The following NSMAF variants were observed in gnomAD, a reference collection of about 807,000 sequenced individuals.
NSMAF encodes the protein protein FAN.
Under a neutral mutation model 134.9 loss-of-function variants are expected in NSMAF, and 90 were observed. The ratio of observed to expected loss-of-function variants is 0.67; its 90% CI spans 0.56 to 0.79. The LOEUF is 0.79. NSMAF is among the 30% of genes least tolerant of loss of function. The probability of loss-of-function intolerance (pLI) is 0.00; values close to 1 mark genes in which losing one functional copy is unlikely to be tolerated. For synonymous variants in NSMAF, 358 were observed against 389.6 expected (o/e 0.92, Z 0.96); for missense variants, 1,010 against 1,119.0 (o/e 0.90, Z 1.39).
At chr8:58,636,144 T>A (rs1257212197) in intron 2 of NSMAF, among the ~76,000 whole-genome samples, 1 of 152,258 alleles carries the variant, frequency 6.6e-6, no homozygotes, top group African/African-American at 2.4e-5. Context: ...TAAAAACTTT[T>A]ATGAAATTTC....
chr8:58,591,417 A>AAAT (rs768664913), intron 23 of NSMAF, among the ~76,000 whole-genome samples: 2 of 152,064 alleles, frequency 1.3e-5, no homozygotes, highest in African/African-American at 2.4e-5. Context: ...CTGACTTTCT[A>AAAT]AATAATAATA....
At position 58,659,638 on chromosome 8, in the gene NSMAF, T is replaced by C; in HGVS notation, c.-7A>G. On this transcript the variant is annotated 5_prime_UTR_variant, in exon 1 of 31. Coordinates refer to ENST00000038176, the MANE Select transcript of NSMAF (RefSeq NM_003580.4). ...TCTTCCGGATAAACGCCATGGAGGG[T>C]AGGCGCGGGCGGGCGCAGAGCGCAC... 9.7e-6 allele frequency: 14 copies of C among 1,438,402 alleles called. No homozygotes were observed. The highest frequency in any genetic ancestry group is 1.3e-5 in the Non-Finnish European group (14 of 1,096,868). The allele number at this position is 1,438,402 out of a possible 1,614,324, so 89.1% of individuals were successfully genotyped here.
intron 9 of NSMAF, among the ~76,000 whole-genome samples, chr8:58,623,003 G>A (rs540804985): frequency 7.9e-5 from 12 of 152,282 alleles, no homozygotes; most frequent in South Asian, 4.1e-4. Flanking sequence ...AGCAGAAACC[G>A]AAGCATCTAA....
At position 58,623,771 on chromosome 8, in the gene NSMAF, C is replaced by A. The variant is rs1197726002; in HGVS notation, c.394G>T (p.Glu132Ter). 1 of 1,613,800 alleles carries A rather than the reference C, an allele frequency of 6.2e-7. No homozygotes were observed. Among genetic ancestry groups the A allele is most frequent in the African/African-American group, 1.3e-5 (1 of 75,024 alleles). Residue 132 changes from glutamate (E) to a stop codon, truncating the protein, a stop_gained, in exon 7 of 31, where the codon GAA becomes TAA. Transcript: ENST00000038176. LOFTEE classifies it high-confidence loss of function. ...APYKIERGKM[E>*]YVFELDVPGK... Reference sequence around the variant, plus strand: ...GGAACATCCAATTCAAAAACATATTCCATTTTGCCCTAACAAAAAGGGGAA... The same window carrying A: ...GGAACATCCAATTCAAAAACATATTACATTTTGCCCTAACAAAAAGGGGAA...
At chr8:58,607,647 A>G in intron 11 of NSMAF, 122 bp downstream of exon 11, 1 of 724,374 alleles carries the variant, frequency 1.4e-6, no homozygotes, top group Admixed American at 2.2e-5. Flanking sequence ...ATCAGAGTCT[A>G]TTTTCTTACA....
intron 1 of NSMAF, among the ~76,000 whole-genome samples, chr8:58,658,284 T>C (rs1436796815): frequency 6.6e-6 from 1 of 152,228 alleles, no homozygotes; most frequent in Non-Finnish European, 1.5e-5. Flanking sequence ...GTGAGTTACA[T>C]AGTTAGGGCT....
At chr8:58,619,000 C>T (rs188268438) in intron 9 of NSMAF, among the ~76,000 whole-genome samples, 7 of 152,188 alleles carry the variant, frequency 4.6e-5, no homozygotes, top group East Asian at 3.9e-4. Flanking sequence ...AAATGAATGT[C>T]ATGCTGAAGC....
chr8:58,639,240 C>T (rs750417956), intron 2 of NSMAF, among the ~76,000 whole-genome samples: 9 of 151,176 alleles, frequency 6.0e-5, no homozygotes, highest in South Asian at 2.1e-4. Flanking sequence ...GCAGAGATCA[C>T]GCCACTGCAC....
chr8:58,597,772 A>T, intron 20 of NSMAF, 88 bp downstream of exon 20: 2 of 1,005,268 alleles, frequency 2.0e-6, no homozygotes, highest in Non-Finnish European at 3.1e-6. Flanking sequence ...AAATTTCCAT[A>T]CCTCAACCTT....
chr8:58,610,298 A>G (rs1806499853), intron 9 of NSMAF, among the ~76,000 whole-genome samples: 1 of 152,236 alleles, frequency 6.6e-6, no homozygotes, highest in South Asian at 2.1e-4. Context: ...TTTAATCAAC[A>G]AAGTCCCTTC....
intron 13 of NSMAF, among the ~76,000 whole-genome samples, chr8:58,602,536 G>A (rs1263932166): frequency 6.6e-6 from 1 of 152,018 alleles, no homozygotes. Context: ...GCCTATTTGA[G>A]AACTAGTGAG....
At chr8:58,657,294 C>T (rs541710986) in intron 1 of NSMAF, among the ~76,000 whole-genome samples, 1 of 152,130 alleles carries the variant, frequency 6.6e-6, no homozygotes, top group Non-Finnish European at 1.5e-5. Context: ...TATTTGGTAG[C>T]TCTGGAAATC....
At chr8:58,598,858 C>CA (rs1048813322) in intron 19 of NSMAF, among the ~76,000 whole-genome samples, 36 of 150,354 alleles carry the variant, frequency 2.4e-4, no homozygotes, top group Admixed American at 1.1e-3. Context: ...CCGTCACGAC[C>CA]AAAAAAAATA....
In NSMAF at chr8:58,584,119, T is replaced by C. The variant is rs775340597; in HGVS notation, c.2741A>G (p.Lys914Arg). Residue 914 changes from lysine (K) to arginine (R), a missense_variant, in exon 31 of 31, where the codon AAA becomes AGA. Physicochemically the swap from Lys to Arg is conservative, Grantham distance 26. Transcript: ENST00000038176. ...GGEDRQIIFW[K>R]LQY ...AGGAAAAGGCACTTAATACTGCAAT[T>C]TCCAGAATATAATTTGTCTGTCTTC... 6.2e-7 allele frequency: 1 copy of C among 1,612,482 alleles called. No homozygotes were observed. The highest frequency in any genetic ancestry group is 1.3e-5 in the African/African-American group (1 of 75,002).
intron 11 of NSMAF, among the ~76,000 whole-genome samples, 186 bp downstream of exon 11, chr8:58,607,583 G>T (rs1806436076): frequency 6.6e-6 from 1 of 152,186 alleles, no homozygotes; most frequent in African/African-American, 2.4e-5. Context: ...TTCTCTACAT[G>T]AAAGAGTTAT....
chr8:58,597,413 T>C lies in NSMAF; in HGVS notation c.1766A>G (p.Tyr589Cys), dbSNP rs1156769876. The change falls in exon 21 of 31, where the codon TAT (tyrosine) becomes TGT (cysteine). Residue 589 changes from tyrosine to cysteine, a missense_variant. By Grantham distance (194) the Tyr-to-Cys change is radical. Transcript: ENST00000038176. ...KFKSLSQTSS[Y>C]NASMADSPGE... ...TGGGGAATCTGCCATAGAAGCATTATAACTGGAGGTCTGGGACAAACTTTT... is the reference window on the plus strand; with the variant it reads ...TGGGGAATCTGCCATAGAAGCATTACAACTGGAGGTCTGGGACAAACTTTT... 1 of 1,614,148 alleles carries C rather than the reference T, an allele frequency of 6.2e-7. No homozygotes were observed. Among genetic ancestry groups the C allele is most frequent in the Non-Finnish European group, 8.5e-7 (1 of 1,179,990 alleles).
intron 6 of NSMAF, among the ~76,000 whole-genome samples, chr8:58,627,358 T>C (rs1279257843): frequency 6.6e-6 from 1 of 152,198 alleles, no homozygotes; most frequent in Non-Finnish European, 1.5e-5. Context: ...ATGGAAGTCC[T>C]AGCCACAGCA....
At chr8:58,585,317 G>GTTTTTTTTTTTTTTTTTTTTTTTTTTT (rs571525208) in intron 30 of NSMAF, among the ~76,000 whole-genome samples, 1 of 144,330 alleles carries the variant, frequency 6.9e-6, no homozygotes, top group African/African-American at 2.6e-5. Flanking sequence ...TTGTTTCTGG[G>GTTTTTTTTTTTTTTTTTTTTTTTTTTT]TTTTTTTTTT....
At position 58,590,859 on chromosome 8, in the gene NSMAF, G is replaced by T. The variant is rs373007011; in HGVS notation, c.2019+8C>A. On this transcript the variant is annotated splice_region_variant and intron_variant, in intron 24 of 30. Transcript: ENST00000038176. ...ATTTCTATCATAATACTATTAAAAT[G>T]AACTCACCATATTTGAAAATGATAT... 184 of 1,554,040 alleles carry T rather than the reference G, an allele frequency of 1.2e-4. 1 individual carries two copies. Among genetic ancestry groups the T allele is most frequent in the Non-Finnish European group, 9.3e-5 (106 of 1,134,228 alleles).
Sources: allele counts gnomAD v4.1 joint callset (sites outside exome capture counted in the v4.1 genomes callset), GRCh38; gene constraint gnomAD v4.1.1; transcripts MANE v1.5; gene names NCBI Gene and HGNC (gene_info 2026-07-23, HGNC 2026-07-21).